Variants in NTM observed in about 807,000 individuals in gnomAD.
The protein encoded by NTM is neurotrimin, also known as IgLON family member 2.
A neutral mutation model predicts 42.1 loss-of-function variants in NTM; 13 were observed. The ratio of observed to expected loss-of-function variants is 0.31; its 90% CI spans 0.20 to 0.49. The LOEUF is 0.49. Ranked by LOEUF, NTM falls within the 20% of genes least tolerant of loss-of-function variation. The pLI is 0.99. For synonymous variants in NTM, 187 were observed against 179.2 expected, an observed-to-expected ratio of 1.04 and a Z score of -0.35; for missense variants, 373 against 452.8, an observed-to-expected ratio of 0.82 and a Z score of 1.60.
At chr11:132,065,146 G>T (rs186221021) in intron 2 of NTM, among the ~76,000 whole-genome samples, 1 of 152,290 alleles carries the variant, frequency 6.6e-6, no homozygotes, top group Non-Finnish European at 1.5e-5. Flanking sequence ...CATGAAAGCA[G>T]GCTTTGTAAA....
chr11:131,532,689 T>C (rs576602055), intron 1 of NTM, among the ~76,000 whole-genome samples: 3 of 152,372 alleles, frequency 2.0e-5, no homozygotes, highest in African/African-American at 4.8e-5. Flanking sequence ...TCACCAACAG[T>C]GTACAAGGGT....
At chr11:131,853,710 C>T (rs2045820453) in intron 1 of NTM, among the ~76,000 whole-genome samples, 1 of 152,134 alleles carries the variant, frequency 6.6e-6, no homozygotes, top group Admixed American at 6.5e-5. Flanking sequence ...CATACACTTA[C>T]ATGTGTCTTT....
intron 1 of NTM, among the ~76,000 whole-genome samples, chr11:131,574,862 G>A (rs925351857): frequency 6.6e-6 from 1 of 152,090 alleles, no homozygotes; most frequent in Non-Finnish European, 1.5e-5. Flanking sequence ...TGTTACCTCT[G>A]GGAAGACCTA....
chr11:131,598,829 CTTTCTTTCTTT>C (rs1253765036), intron 1 of NTM, among the ~76,000 whole-genome samples: 961 of 34,962 alleles, frequency 0.027, 80 homozygotes, highest in African/African-American at 0.033. Flanking sequence ...TTTCTTTCTT[CTTTCTTTCTTT>C]CTTTCTTTCT....
At chr11:132,066,807 G>T (rs543993473) in intron 2 of NTM, among the ~76,000 whole-genome samples, 1 of 152,044 alleles carries the variant, frequency 6.6e-6, no homozygotes, top group Non-Finnish European at 1.5e-5. Flanking sequence ...GACCCACTCA[G>T]ATACTCCAGA....
rs531513798 is a variant in NTM, at chr11:132,302,522, G to C, written c.527-5167G>C. Among the ~76,000 whole-genome samples the C allele has an allele frequency of 2.9e-3, 447 of 152,218 alleles. 4 individuals are homozygous for C. Among genetic ancestry groups the C allele is most frequent in the South Asian group, 0.019 (89 of 4,808 alleles). The stretch of plus-strand genomic sequence containing the variant: ...ACAGGAGGGTTAGGTGAGCAACAAG[G>C]GGTCTCTGACTTTTTTTCATTGAAT... On this transcript the variant is annotated intron_variant, in intron 4 of 8. Transcript: ENST00000683400.
At chr11:132,152,879 T>C (rs2072278596) in intron 3 of NTM, among the ~76,000 whole-genome samples, 1 of 152,220 alleles carries the variant, frequency 6.6e-6, no homozygotes, top group Non-Finnish European at 1.5e-5. Flanking sequence ...CTTTTCCTTT[T>C]GGTATGGCTG....
rs1270743864 is a variant in NTM, at chr11:132,134,741, A to G, written c.168-11541A>G. 1.1e-3 allele frequency among the ~76,000 whole-genome samples: 95 copies of G among 86,366 alleles called. 10 individuals carry two copies. The highest frequency in any genetic ancestry group is 9.0e-4 in the Non-Finnish European group (40 of 44,512). The allele number at this position is 86,366 out of a possible 152,430, so 56.7% of individuals were successfully genotyped here. A position where few individuals can be genotyped will look rare whatever the true frequency, so the allele number is the denominator to read the frequency against. On this transcript the variant is annotated intron_variant, in intron 2 of 8. Transcript: ENST00000683400. The stretch of plus-strand genomic sequence containing the variant: ...TATATATATATATATATATATATAT[A>G]TATATATATATATATATATCTCACA...
At chr11:131,407,427 T>C (rs945457833) in intron 1 of NTM, among the ~76,000 whole-genome samples, 2 of 152,206 alleles carry the variant, frequency 1.3e-5, no homozygotes, top group African/African-American at 2.4e-5. Context: ...TAATATTTTA[T>C]AGCAGCATCC....
At chr11:132,242,247 G>T (rs374320643) in intron 4 of NTM, among the ~76,000 whole-genome samples, 1 of 152,078 alleles carries the variant, frequency 6.6e-6, no homozygotes, top group Non-Finnish European at 1.5e-5. Flanking sequence ...TTCTTTATCC[G>T]CTCTCCAGAG....
intron 1 of NTM, among the ~76,000 whole-genome samples, chr11:131,655,421 C>CT (rs2067054599): frequency 6.6e-6 from 1 of 152,200 alleles, no homozygotes; most frequent in African/African-American, 2.4e-5. Flanking sequence ...TTCCTCCTTC[C>CT]TTTTTGGCAA....
At chr11:131,695,815 C>T (rs568261657) in intron 1 of NTM, among the ~76,000 whole-genome samples, 68 of 152,232 alleles carry the variant, frequency 4.5e-4, no homozygotes, top group African/African-American at 1.5e-3. Flanking sequence ...CCCAATATTC[C>T]ATTGAGGAAA....
chr11:132,326,869 C>T (rs2095693944), intron 7 of NTM, among the ~76,000 whole-genome samples: 1 of 152,190 alleles, frequency 6.6e-6, no homozygotes. Context: ...CCAAGTTATA[C>T]TTACCTTACC....
At chr11:131,695,943 G>A (rs1197343901) in intron 1 of NTM, among the ~76,000 whole-genome samples, 1 of 152,154 alleles carries the variant, frequency 6.6e-6, no homozygotes, top group Non-Finnish European at 1.5e-5. Context: ...AGCAGCTGCA[G>A]TATGTGTGCC....
At chr11:131,602,250 T>C (rs1355829748) in intron 1 of NTM, among the ~76,000 whole-genome samples, 2 of 152,182 alleles carry the variant, frequency 1.3e-5, no homozygotes, top group African/African-American at 4.8e-5. Flanking sequence ...TCTGTTACCT[T>C]AAACCCACCT....
At chr11:132,236,532 T>C (rs1025502442) in intron 4 of NTM, among the ~76,000 whole-genome samples, 3 of 152,182 alleles carry the variant, frequency 2.0e-5, no homozygotes, top group Non-Finnish European at 4.4e-5. Context: ...GTAGGCATAA[T>C]GGAGCACTCA....
chr11:131,371,834 A>G (rs1941238982), intron 1 of NTM, among the ~76,000 whole-genome samples: 1 of 152,214 alleles, frequency 6.6e-6, no homozygotes, highest in African/African-American at 2.4e-5. Flanking sequence ...AAACACAGCT[A>G]AAACTCGTAA....
At chr11:131,812,907 T>G (rs2092797754) in intron 1 of NTM, among the ~76,000 whole-genome samples, 1 of 152,222 alleles carries the variant, frequency 6.6e-6, no homozygotes, top group Non-Finnish European at 1.5e-5. Flanking sequence ...AGCCAGGAGA[T>G]GAGGCTGGAG....
intron 1 of NTM, among the ~76,000 whole-genome samples, chr11:131,690,253 T>C (rs2074486112): frequency 6.6e-6 from 1 of 152,156 alleles, no homozygotes; most frequent in Admixed American, 6.5e-5. Context: ...CACAGATATT[T>C]CATTAGGAAT....
Sources: gnomAD v4.1 joint callset for allele counts (sites outside exome capture counted in the v4.1 genomes callset) on GRCh38, gnomAD v4.1.1 for gene constraint, MANE v1.5 for transcripts, NCBI Gene and HGNC (gene_info 2026-07-23, HGNC 2026-07-21) for gene names.